Variants in SAMD9 observed in about 807,000 individuals in gnomAD.
The protein encoded by SAMD9 is sterile alpha motif domain-containing protein 9.
In SAMD9, 3 loss-of-function variants were observed where a neutral mutation model predicts 1.5. The observed-to-expected ratio is 2.05, with a 90% CI of 0.93 to 5.29. SAMD9 has a LOEUF of 5.29. Ranked by LOEUF, SAMD9 falls within the 30% of genes most tolerant of loss-of-function variation. The pLI, the probability that SAMD9 is intolerant of heterozygous loss-of-function variation, is 0.02. For missense variants in SAMD9, 1,597 were observed against 1,820.8 expected (o/e 0.88, Z 2.24); for synonymous variants, 635 against 631.9 (o/e 1.00, Z -0.07).
rs534758372 is a variant in SAMD9 at position 93,103,541 on chromosome 7, C to T, written c.2557G>A (p.Val853Ile). 3.1e-5 allele frequency: 50 copies of T among 1,613,612 alleles called. No homozygotes were observed. The highest frequency in any genetic ancestry group is 1.6e-4 in the Middle Eastern group (1 of 6,062). ...KSARIPDSIA[V>I]IQQLSPKEQR... Reference sequence around the variant, plus strand: ...TCTTTGGGAGAGAGTTGCTGTATTACGGCAATACTGTCTGGGATCCTTGCA... The same window carrying T: ...TCTTTGGGAGAGAGTTGCTGTATTATGGCAATACTGTCTGGGATCCTTGCA... Residue 853 changes from valine (V) to isoleucine (I), a missense_variant, in exon 3 of 3, where the codon GTA (valine) becomes ATA (isoleucine). Around this residue, in one of 6 missense-constraint regions of SAMD9, gnomAD observed 55 missense variants for 58.6 expected, o/e 0.94. Coordinates refer to ENST00000379958, the MANE Select transcript of SAMD9 (RefSeq NM_017654.4).
chr7:93,112,169 G>A (rs569384260), intron 2 of SAMD9, among the ~76,000 whole-genome samples: 36 of 152,230 alleles, frequency 2.4e-4, no homozygotes, highest in African/African-American at 3.6e-4. Flanking sequence ...ATCAATAAAC[G>A]TAATCCATCA....
chr7:93,115,256 G>T (rs993038042), intron 1 of SAMD9, among the ~76,000 whole-genome samples: 7 of 152,232 alleles, frequency 4.6e-5, no homozygotes, highest in African/African-American at 1.7e-4. Context: ...TGTGGAGTCA[G>T]TGGAGCTCTC....
At chr7:93,111,318 G>A (rs888267159) in intron 2 of SAMD9, among the ~76,000 whole-genome samples, 37 of 152,206 alleles carry the variant, frequency 2.4e-4, no homozygotes, top group African/African-American at 8.9e-4. Context: ...TGTGTCGAGG[G>A]AAATTTATAC....
intron 2 of SAMD9, among the ~76,000 whole-genome samples, chr7:93,114,485 C>T (rs2116440647): frequency 6.6e-6 from 1 of 151,994 alleles, no homozygotes; most frequent in South Asian, 2.1e-4. Flanking sequence ...AATCATGAAC[C>T]TAATGCCAGT....
At chr7:93,112,576 T>TCTC (rs1159568602) in intron 2 of SAMD9, among the ~76,000 whole-genome samples, 2 of 151,346 alleles carry the variant, frequency 1.3e-5, no homozygotes, top group East Asian at 1.9e-4. Flanking sequence ...CAGCCCAAAA[T>TCTC]CTTAAGCTGA....
chr7:93,108,629 G>A (rs1584256963), intron 2 of SAMD9, among the ~76,000 whole-genome samples: 1 of 152,326 alleles, frequency 6.6e-6, no homozygotes, highest in East Asian at 1.9e-4. Context: ...AATGGTCTTA[G>A]CAAACAGCAC....
At chr7:93,112,820 G>A (rs1173341923) in intron 2 of SAMD9, among the ~76,000 whole-genome samples, 4 of 152,080 alleles carry the variant, frequency 2.6e-5, no homozygotes, top group African/African-American at 9.7e-5. Flanking sequence ...AAACAAATGA[G>A]AGAACATTTC....
Position 93,107,982 on chromosome 7 carries a change from C to G in SAMD9, c.-8-1877G>C, listed in dbSNP as rs184343205. On this transcript the variant is annotated intron_variant, in intron 2 of 2. Coordinates refer to ENST00000379958, the MANE Select transcript of SAMD9 (RefSeq NM_017654.4). Reference sequence around the variant, plus strand: ...CAATAATCTTAAATAAAATTTTACTCAAAAAATAAAAAACTGCAATGGTAT... The same window carrying G: ...CAATAATCTTAAATAAAATTTTACTGAAAAAATAAAAAACTGCAATGGTAT... 2.5e-3 allele frequency among the ~76,000 whole-genome samples: 381 copies of G among 152,040 alleles called. 2 individuals carry two copies. The highest frequency in any genetic ancestry group is 8.5e-3 in the African/African-American group (353 of 41,482).
rs141164909 is a variant in SAMD9 at position 93,106,715 on chromosome 7, T to G, written c.-8-610A>C. Among the ~76,000 whole-genome samples the G allele has an allele frequency of 6.2e-3, 939 of 152,338 alleles. 13 individuals carry two copies. The highest frequency in any genetic ancestry group is 0.041 in the Middle Eastern group (12 of 292). On this transcript the variant is annotated intron_variant, in intron 2 of 2. Coordinates refer to ENST00000379958, the MANE Select transcript of SAMD9 (RefSeq NM_017654.4). ...ACACCCATTCTAATCATTTGTGTTC[T>G]CCATTGAAGAAACATCAGTAAAATC...
At position 93,102,211 on chromosome 7, in the gene SAMD9, A is replaced by C. The variant is rs562819331; in HGVS notation, c.3887T>G (p.Val1296Gly). 5 of 1,613,608 alleles carry C rather than the reference A, an allele frequency of 3.1e-6. No individual in the cohort carries two copies. In the Admixed American group the frequency reaches 5.0e-5, roughly 16 times the overall value. ...QNEEAKTRRK[V>G]AGYFKKYVDI... ...TACATATTTCTTAAAATATCCAGCC[A>C]CCTTTCTCCGAGTTTTGGCCTCTTC... is the stretch of plus-strand genomic sequence containing the variant. The change falls in exon 3 of 3, where the codon GTG becomes GGG. Residue 1296 changes from valine to glycine, a missense_variant. Physicochemically the swap from Val to Gly is moderately radical, Grantham distance 109. This residue lies in a region of SAMD9 where 682 missense variants were observed against 810.0 expected (regional missense o/e 0.84). Coordinates refer to ENST00000379958, the MANE Select transcript of SAMD9 (RefSeq NM_017654.4).
chr7:93,110,634 A>G (rs530794496), intron 2 of SAMD9, among the ~76,000 whole-genome samples: 1 of 152,176 alleles, frequency 6.6e-6, no homozygotes, highest in East Asian at 1.9e-4. Context: ...ATGGAAAACG[A>G]AAAAAGGCAA....
In SAMD9 at chr7:93,103,860, C is replaced by G; in HGVS notation, c.2238G>C (p.Leu746Phe). ...YHHPGCGGTT[L>F]AMHILWELRK... ...TTAGTTCCCAGAGAATGTGCATAGC[C>G]AAGGTAGTTCCCCCACAGCCTGGAT... Residue 746 changes from leucine to phenylalanine, a missense_variant, in exon 3 of 3, where the codon TTG (leucine) becomes TTC (phenylalanine). This residue lies in a region of SAMD9 where 358 missense variants were observed against 460.4 expected (regional missense o/e 0.78). Coordinates refer to ENST00000379958, the MANE Select transcript of SAMD9 (RefSeq NM_017654.4). 1 of 1,613,940 alleles carries G rather than the reference C, an allele frequency of 6.2e-7. No individual in the cohort carries two copies.
At chr7:93,108,312 G>A (rs1791679064) in intron 2 of SAMD9, among the ~76,000 whole-genome samples, 1 of 152,182 alleles carries the variant, frequency 6.6e-6, no homozygotes, top group African/African-American at 2.4e-5. Context: ...GCCATAGGGT[G>A]CCGAGTCTAA....
chr7:93,101,178 C>T lies in SAMD9; in HGVS notation c.*150G>A, dbSNP rs1791520689. 2.8e-6 allele frequency: 2 copies of T among 704,594 alleles called. No homozygotes were observed. Among genetic ancestry groups the T allele is most frequent in the Non-Finnish European group, 5.0e-6 (2 of 399,058 alleles). The allele number at this position is 704,594 out of a possible 1,614,324, so 43.6% of individuals were successfully genotyped here. A position where few individuals can be genotyped will look rare whatever the true frequency, so the allele number is the denominator to read the frequency against. ...ACTATTGTCTTTGTAGAACTCATAA[C>T]ATGTTTAAGAGGAAATTAAATACTG... On this transcript the variant is annotated 3_prime_UTR_variant, in exon 3 of 3. Transcript: ENST00000379958.
rs1199145168 is a variant in SAMD9, at chr7:93,102,869, G to A, written c.3229C>T (p.Arg1077Trp). 1.2e-6 allele frequency: 2 copies of A among 1,613,758 alleles called. No homozygotes were observed. Among genetic ancestry groups the A allele is most frequent in the East Asian group, 2.2e-5 (1 of 44,874 alleles). Residue 1077 changes from arginine to tryptophan, a missense_variant, in exon 3 of 3, where the codon CGG (arginine) becomes TGG (tryptophan). Transcript: ENST00000379958. ...CAAATGAATGCATTTGGGTTGAACC[G>A]ATGGATACTTTCAAGCAATACAGCT... ...VEAVLLESIHRFNPNAFICQA... is the reference protein window; with the variant it reads ...VEAVLLESIHWFNPNAFICQA...
Position 93,102,491 on chromosome 7 carries a change from C to G in SAMD9, c.3607G>C (p.Val1203Leu). The G allele has an allele frequency of 8.1e-6, 13 of 1,613,690 alleles. No homozygotes were observed. The highest frequency in any genetic ancestry group is 1.1e-5 in the Non-Finnish European group (13 of 1,179,714). ...NIAGYQGEIE[V>L]GLYTIQILQL... ...AGAATTTGGATTGTGTAAAGCCCAA[C>G]TTCTATCTCTCCTTGATAACCAGCT... The change falls in exon 3 of 3, where the codon GTT becomes CTT. Residue 1203 changes from valine (V) to leucine (L), a missense_variant. This residue lies in a region of SAMD9 where 682 missense variants were observed against 810.0 expected (regional missense o/e 0.84). Transcript: ENST00000379958.
rs1437090085 is a variant in SAMD9 at position 93,104,109 on chromosome 7, T to G, written c.1989A>C (p.Thr663=). Residue 663 remains threonine, a synonymous_variant, in exon 3 of 3, where the codon ACA becomes ACC. Coordinates refer to ENST00000379958, the MANE Select transcript of SAMD9 (RefSeq NM_017654.4). Reference sequence around the variant, plus strand: ...ATTTATTTTTGTCCTTCTCTAACAGTGTACCCTCACATTCATTTTCACAGA... The same window carrying G: ...ATTTATTTTTGTCCTTCTCTAACAGGGTACCCTCACATTCATTTTCACAGA... ...EIICENECEG[T]LLEKDKNKFL... 1.2e-6 allele frequency: 2 copies of G among 1,613,946 alleles called. No individual in the cohort carries two copies. The highest frequency in any genetic ancestry group is 4.5e-5 in the East Asian group (2 of 44,874).
intron 2 of SAMD9, among the ~76,000 whole-genome samples, chr7:93,110,502 C>A (rs1584258116): frequency 1.3e-5 from 2 of 152,146 alleles, no homozygotes; most frequent in East Asian, 3.8e-4. Flanking sequence ...AATTAAAAGA[C>A]ACAGACTGGC....
intron 2 of SAMD9, among the ~76,000 whole-genome samples, chr7:93,107,859 G>A (rs1014649003): frequency 3.2e-4 from 49 of 152,118 alleles, no homozygotes; most frequent in Non-Finnish European, 1.2e-4. Context: ...TCTTAGTTGC[G>A]ATTTTGTACT....
Sources: gnomAD v4.1 joint callset for allele counts (sites outside exome capture counted in the v4.1 genomes callset) on GRCh38, gnomAD v4.1.1 for gene constraint, gnomAD v4.1.1 regional missense constraint, MANE v1.5 for transcripts, NCBI Gene and HGNC (gene_info 2026-07-23, HGNC 2026-07-21) for gene names.